The following RBFOX1 variants were observed in gnomAD, a reference collection of about 807,000 sequenced individuals.
RBFOX1 encodes RNA binding fox-1 homolog 1, also known as RNA binding protein fox-1 homolog 1.
A neutral mutation model predicts 57.7 loss-of-function variants in RBFOX1; 8 were observed. The ratio of observed to expected loss-of-function variants is 0.14; its 90% confidence interval spans 0.08 to 0.25. The LOEUF is 0.25. RBFOX1 is among the 10% of genes least tolerant of loss of function. RBFOX1 has a pLI of 1.00. For synonymous variants in RBFOX1, 326 were observed against 222.4 expected (o/e 1.47, Z -4.15); for missense variants, 611 against 548.5 (o/e 1.11, Z -1.14).
Position 6,562,832 on chromosome 16 carries a change from TTTTC to T in RBFOX1, c.-63-91723_-63-91720del, listed in dbSNP as rs370685598. Reference sequence around the variant, plus strand: ...AACTGCAGGCCTTGATTCTTGATTCTTTTCTTTCTTTCTTTCTTTCTTTCTTTCT... The same window carrying T: ...AACTGCAGGCCTTGATTCTTGATTCTTTTCTTTCTTTCTTTCTTTCTTTCT... On this transcript the variant is annotated intron_variant, in intron 2 of 15. Coordinates refer to ENST00000550418, the MANE Select transcript of RBFOX1 (RefSeq NM_018723.4). Among the ~76,000 whole-genome samples the T allele has an allele frequency of 8.8e-3, 670 of 75,830 alleles. 9 individuals are homozygous for T. The highest frequency in any genetic ancestry group is 0.011 in the South Asian group (22 of 1,942). The allele number at this position is 75,830 out of a possible 152,430, so 49.7% of individuals were successfully genotyped here. A position where few individuals can be genotyped will look rare whatever the true frequency, so the allele number is the denominator to read the frequency against.
At chr16:7,213,004 G>C (rs987801354) in intron 4 of RBFOX1, among the ~76,000 whole-genome samples, 29 of 152,102 alleles carry the variant, frequency 1.9e-4, no homozygotes, top group African/African-American at 6.5e-4. Flanking sequence ...CATCTTGTAA[G>C]GCAAATATGA....
intron 1 of RBFOX1, among the ~76,000 whole-genome samples, chr16:5,338,476 C>G (rs974262734): frequency 2.0e-5 from 3 of 152,170 alleles, no homozygotes; most frequent in African/African-American, 4.8e-5. Flanking sequence ...GAATCAGAAA[C>G]TAGGGCCGTC....
intron 4 of RBFOX1, among the ~76,000 whole-genome samples, chr16:5,955,849 CA>C (rs1340546242): frequency 6.6e-6 from 1 of 152,194 alleles, no homozygotes; most frequent in East Asian, 1.9e-4. Flanking sequence ...ATGTAGTTAC[CA>C]GCGGAATGCA....
intron 3 of RBFOX1, among the ~76,000 whole-genome samples, chr16:6,782,542 C>T (rs2081205469): frequency 1.3e-5 from 2 of 151,770 alleles, no homozygotes; most frequent in South Asian, 2.1e-4. Context: ...TTTTTATGTC[C>T]AATAAATGCT....
At chr16:7,429,930 G>A (rs1364610943) in intron 4 of RBFOX1, among the ~76,000 whole-genome samples, 2 of 152,148 alleles carry the variant, frequency 1.3e-5, no homozygotes, top group Admixed American at 1.3e-4. Flanking sequence ...CTCTGCCTTT[G>A]TGGGACTTGT....
intron 3 of RBFOX1, among the ~76,000 whole-genome samples, chr16:5,738,655 A>AAAAAAAAT: frequency 6.7e-6 from 1 of 150,364 alleles, no homozygotes; most frequent in South Asian, 2.1e-4. Flanking sequence ...AAAAAAAAAA[A>AAAAAAAAT]GGGAAATCTA....
intron 3 of RBFOX1, among the ~76,000 whole-genome samples, chr16:6,785,111 C>A (rs952632182): frequency 6.6e-6 from 1 of 151,890 alleles, no homozygotes; most frequent in East Asian, 1.9e-4. Flanking sequence ...ATGGTTCCTT[C>A]CAAAAATATT....
At chr16:7,525,624 G>T (rs764014445) in intron 5 of RBFOX1, among the ~76,000 whole-genome samples, 1 of 152,214 alleles carries the variant, frequency 6.6e-6, no homozygotes, top group Admixed American at 6.5e-5. Flanking sequence ...GACTCTGTGT[G>T]TTTGGGTGTG....
At chr16:5,731,049 G>A (rs2052351226) in intron 3 of RBFOX1, among the ~76,000 whole-genome samples, 1 of 148,152 alleles carries the variant, frequency 6.7e-6, no homozygotes, top group African/African-American at 2.4e-5. Context: ...CATCACCACT[G>A]CCATTGTCAC....
At chr16:7,491,576 C>G (rs1031982330) in intron 4 of RBFOX1, among the ~76,000 whole-genome samples, 3 of 151,736 alleles carry the variant, frequency 2.0e-5, no homozygotes, top group African/African-American at 7.2e-5. Context: ...TTAGTTCTGT[C>G]TCTCTCTAAA....
intron 4 of RBFOX1, among the ~76,000 whole-genome samples, chr16:7,058,111 C>T (rs770302925): frequency 2.6e-5 from 4 of 151,912 alleles, no homozygotes; most frequent in African/African-American, 7.3e-5. Flanking sequence ...CATGTGCTAC[C>T]ACCAACTGCT....
At chr16:7,180,988 T>C (rs925719256) in intron 4 of RBFOX1, among the ~76,000 whole-genome samples, 6 of 152,314 alleles carry the variant, frequency 3.9e-5, no homozygotes, top group African/African-American at 1.4e-4. Flanking sequence ...AAAGCAGTCA[T>C]AGGCAATGCA....
Position 7,105,609 on chromosome 16 carries a change from A to C in RBFOX1, c.27+53511A>C, listed in dbSNP as rs12102706. Among the ~76,000 whole-genome samples the C allele has an allele frequency of 2.6e-5, 4 of 152,134 alleles. No individual in the cohort carries two copies. The East Asian group carries it at 7.8e-4, about 29-fold the overall frequency. On this transcript the variant is annotated intron_variant, in intron 4 of 15. Transcript: ENST00000550418. ...TTTTGCATTCCTGAGTTAGTCTGCA[A>C]TCTCATCCAGGTTGCTGCGAATGCC...
At chr16:5,604,657 C>A (rs1336818358), downstream of RBFOX1, among the ~76,000 whole-genome samples, 1 of 152,184 alleles carries the variant, frequency 6.6e-6, no homozygotes, top group African/African-American at 2.4e-5. Context: ...TGCTACTGAT[C>A]ATGGGGCCGC....
chr16:5,776,598 A>G (rs1260334305), intron 3 of RBFOX1, among the ~76,000 whole-genome samples: 3 of 152,246 alleles, frequency 2.0e-5, no homozygotes, highest in African/African-American at 7.2e-5. Context: ...ATTATGAAGA[A>G]CGAATGTGGC....
At chr16:6,780,529 TTTATATATAC>T (rs2080802962) in intron 3 of RBFOX1, among the ~76,000 whole-genome samples, 1 of 129,526 alleles carries the variant, frequency 7.7e-6, no homozygotes, top group South Asian at 2.3e-4. Context: ...TTTATATATA[TTTATATATAC>T]ATTTACATAT....
intron 2 of RBFOX1, among the ~76,000 whole-genome samples, chr16:6,340,530 G>A (rs886666866): frequency 1.3e-5 from 2 of 152,190 alleles, no homozygotes; most frequent in Non-Finnish European, 2.9e-5. Context: ...TAAACAAGGG[G>A]AGGATTATTT....
chr16:6,011,814 G>A (rs190478774), intron 4 of RBFOX1, among the ~76,000 whole-genome samples: 1 of 152,276 alleles, frequency 6.6e-6, no homozygotes, highest in Admixed American at 6.5e-5. Flanking sequence ...TGGAGACGAG[G>A]AGGTTGTGAT....
chr16:5,622,934 G>A (rs530740183), intron 3 of RBFOX1, among the ~76,000 whole-genome samples: 3 of 152,254 alleles, frequency 2.0e-5, no homozygotes, highest in Middle Eastern at 3.4e-3. Context: ...TGGCACTTAC[G>A]TTGTATTGGC....
Sources: gnomAD v4.1 joint callset for allele counts (sites outside exome capture counted in the v4.1 genomes callset) on GRCh38, gnomAD v4.1.1 for gene constraint, MANE v1.5 for transcripts, NCBI Gene and HGNC (gene_info 2026-07-23, HGNC 2026-07-21) for gene names.